ZNF569: variants seen among roughly 807,000 people sequenced by gnomAD.
ZNF569 encodes DNA-binding protein.
Under a neutral mutation model 56.3 loss-of-function variants are expected in ZNF569, and 38 were observed. That is an observed-to-expected ratio of 0.68 (90% CI 0.52 to 0.88). The LOEUF (loss-of-function observed/expected upper bound fraction) is 0.88, where lower values mean the gene tolerates loss of function less well. ZNF569 is among the 40% of genes least tolerant of loss of function. ZNF569 has a pLI of 0.00. For missense variants in ZNF569, 666 were observed against 809.2 expected, an observed-to-expected ratio of 0.82 and a Z score of 2.15; for synonymous variants, 241 against 262.9, an observed-to-expected ratio of 0.92 and a Z score of 0.81.
intron 2 of ZNF569, among the ~76,000 whole-genome samples, chr19:37,447,790 GTTGCT>G (rs910010384): frequency 1.4e-4 from 22 of 152,284 alleles, no homozygotes; most frequent in African/African-American, 5.1e-4. Flanking sequence ...TTGCTGAGGA[GTTGCT>G]TTGTTTTTTG....
chr19:37,456,177 T>C (rs1460664544), intron 2 of ZNF569, among the ~76,000 whole-genome samples: 1 of 152,178 alleles, frequency 6.6e-6, no homozygotes, highest in Admixed American at 6.5e-5. Context: ...CAACTTTTTT[T>C]TTCCTCTGTA....
intron 5 of ZNF569, among the ~76,000 whole-genome samples, chr19:37,422,333 T>C (rs758308082): frequency 1.3e-5 from 2 of 152,152 alleles, no homozygotes; most frequent in Non-Finnish European, 2.9e-5. Context: ...GTCAGTAGAA[T>C]AGTCAGAACA....
At chr19:37,469,109 A>G, upstream of ZNF569, 6 of 1,051,438 alleles carry the variant, frequency 5.7e-6, no homozygotes, top group Non-Finnish European at 6.9e-6. Context: ...CGTCCCTGTG[A>G]CCGGGCCAGG....
chr19:37,439,072 T>G (rs1466285214), intron 3 of ZNF569, among the ~76,000 whole-genome samples: 1 of 150,240 alleles, frequency 6.7e-6, no homozygotes, highest in African/African-American at 2.4e-5. Flanking sequence ...ATTAAAATGG[T>G]TTTTTTTGTT....
rs1600301842 is a variant in ZNF569 at position 37,425,790 on chromosome 19, T to C, written c.238+78A>G. 8.6e-6 allele frequency: 10 copies of C among 1,161,084 alleles called. No individual in the cohort carries two copies. The East Asian group carries it at 2.1e-4, about 25-fold the overall frequency. The allele number at this position is 1,161,084 out of a possible 1,614,324, so 71.9% of individuals were successfully genotyped here. On this transcript the variant is annotated intron_variant, in intron 5 of 5. Coordinates refer to ENST00000316950, the MANE Select transcript of ZNF569 (RefSeq NM_152484.3). ...CTGAAAATATCTTTGAAGAATATTTTAGAGGGATCAACCATTCACTGATTA... is the reference window on the plus strand; with the variant it reads ...CTGAAAATATCTTTGAAGAATATTTCAGAGGGATCAACCATTCACTGATTA...
At chr19:37,466,066 G>GA (rs1264601156) in intron 1 of ZNF569, among the ~76,000 whole-genome samples, 2 of 152,204 alleles carry the variant, frequency 1.3e-5, no homozygotes, top group Non-Finnish European at 2.9e-5. Flanking sequence ...TAGAACATAT[G>GA]AATGTATACG....
intron 2 of ZNF569, among the ~76,000 whole-genome samples, chr19:37,447,585 A>G (rs888622865): frequency 6.6e-6 from 1 of 152,110 alleles, no homozygotes; most frequent in Non-Finnish European, 1.5e-5. Flanking sequence ...TATGTCTTTT[A>G]TGTACTTTTC....
chr19:37,429,289 A>C (rs984529841), intron 3 of ZNF569, among the ~76,000 whole-genome samples: 6 of 152,340 alleles, frequency 3.9e-5, no homozygotes, highest in Admixed American at 6.5e-5. Flanking sequence ...TGGTAAGTCA[A>C]TGCGACTTAC....
intron 5 of ZNF569, among the ~76,000 whole-genome samples, chr19:37,419,566 T>C (rs1164642427): frequency 6.6e-6 from 1 of 151,486 alleles, no homozygotes; most frequent in African/African-American, 2.4e-5. Flanking sequence ...TACTAAAAAT[T>C]CAAAAAAATT....
At chr19:37,441,668 AG>A (rs1260303742) in intron 3 of ZNF569, among the ~76,000 whole-genome samples, 2 of 151,888 alleles carry the variant, frequency 1.3e-5, no homozygotes, top group African/African-American at 4.8e-5. Flanking sequence ...AAAAAAAAAA[AG>A]AAGGCAAGAT....
chr19:37,465,202 C>T (rs111843420), intron 2 of ZNF569, 111 bp downstream of exon 2: 14 of 152,308 alleles, frequency 9.2e-5, no homozygotes, highest in African/African-American at 2.4e-4. Context: ...CCTTCCCTGG[C>T]GAGCCCATCT....
Position 37,467,152 on chromosome 19 carries a change from C to G in ZNF569, c.-273G>C, listed in dbSNP as rs1027518857. Reference sequence around the variant, plus strand: ...GCCAAAGTGGCAGAGCCGGCGCGGGCTGGGACAGAGGCGGCACTGAGGCCG... The same window carrying G: ...GCCAAAGTGGCAGAGCCGGCGCGGGGTGGGACAGAGGCGGCACTGAGGCCG... On this transcript the variant is annotated 5_prime_UTR_variant, in exon 1 of 6. Transcript: ENST00000316950. 6.6e-6 allele frequency: 1 copy of G among 152,338 alleles called. No homozygotes were observed. Among genetic ancestry groups the G allele is most frequent in the Non-Finnish European group, 1.5e-5 (1 of 68,142 alleles). The allele number at this position is 152,338 out of a possible 1,614,324, so 9.4% of individuals were successfully genotyped here.
Position 37,431,830 on chromosome 19 carries a change from ACATT to A in ZNF569, c.16-5456_16-5453del, listed in dbSNP as rs750892794. 9.9e-5 allele frequency among the ~76,000 whole-genome samples: 15 copies of A among 152,002 alleles called. No homozygotes were observed. In the East Asian group the frequency reaches 2.6e-3, roughly 26 times the overall value. ...TGAAGGGAGAATCCCAGGCCTGGCAACATTCACCACAAGCTGACTGAAGAGCCCT... is the reference window on the plus strand; with the variant it reads ...TGAAGGGAGAATCCCAGGCCTGGCAACACCACAAGCTGACTGAAGAGCCCT... On this transcript the variant is annotated intron_variant, in intron 3 of 5. Transcript: ENST00000316950.
rs536191643 is a variant in ZNF569 at position 37,422,639 on chromosome 19, G to A, written c.238+3229C>T. Among the ~76,000 whole-genome samples, 8 of 152,204 alleles carry A rather than the reference G, an allele frequency of 5.3e-5. No homozygotes were observed. In the South Asian group the frequency reaches 1.7e-3, roughly 32 times the overall value. On this transcript the variant is annotated intron_variant, in intron 5 of 5. Transcript: ENST00000316950. ...ACAATAAAATAAAGCATAATAACAT[G>A]AGATATGCCTGTATAAATGCATGAG... is the stretch of plus-strand genomic sequence containing the variant.
At position 37,450,869 on chromosome 19, in the gene ZNF569, G is replaced by A. The variant is rs1160741367; in HGVS notation, c.-43-5905C>T. The stretch of plus-strand genomic sequence containing the variant: ...TTTCTAATTTCATTTTTTATTTCTC[G>A]TTTGACCCAATGGTTATTCAAGATT... On this transcript the variant is annotated intron_variant, in intron 2 of 5. Transcript: ENST00000316950. 5.3e-5 allele frequency among the ~76,000 whole-genome samples: 8 copies of A among 151,882 alleles called. No individual in the cohort carries two copies. In the East Asian group the frequency reaches 1.2e-3, roughly 22 times the overall value.
chr19:37,453,787 C>T (rs1245794664), intron 2 of ZNF569, among the ~76,000 whole-genome samples: 1 of 152,138 alleles, frequency 6.6e-6, no homozygotes, highest in East Asian at 1.9e-4. Context: ...TTTCTTCCAT[C>T]TCTGCTCCAA....
At chr19:37,430,197 A>C (rs2041202826) in intron 3 of ZNF569, among the ~76,000 whole-genome samples, 2 of 94,858 alleles carry the variant, frequency 2.1e-5, no homozygotes, top group South Asian at 8.9e-4. Flanking sequence ...CCTATCTCAA[A>C]AAAAAAAAAA....
At chr19:37,445,560 T>C (rs1229550284) in intron 2 of ZNF569, among the ~76,000 whole-genome samples, 2 of 152,100 alleles carry the variant, frequency 1.3e-5, no homozygotes, top group Non-Finnish European at 2.9e-5. Flanking sequence ...TAAAGATTCA[T>C]CCCAAAAGCT....
At position 37,413,205 on chromosome 19, in the gene ZNF569, C is replaced by T. The variant is rs777217924; in HGVS notation, c.1453G>A (p.Glu485Lys). Residue 485 changes from glutamate to lysine, a missense_variant, in exon 6 of 6, where the codon GAA becomes AAA. Physicochemically the swap from Glu to Lys is moderately conservative, Grantham distance 56. Transcript: ENST00000316950. ...GGTTTCTCTCCAGAATGAATTTTTT[C>T]ATGAGCAATGAGATTTGATTTCTGG... is the stretch of plus-strand genomic sequence containing the variant. ...FSQKSNLIAH[E>K]KIHSGEKPYE... is the part of the protein sequence containing the mutation. The T allele has an allele frequency of 1.2e-6, 2 of 1,606,756 alleles. No homozygotes were observed. Among genetic ancestry groups the T allele is most frequent in the Non-Finnish European group, 1.7e-6 (2 of 1,177,692 alleles).
Sources: gnomAD v4.1 joint callset for allele counts (sites outside exome capture counted in the v4.1 genomes callset) on GRCh38, gnomAD v4.1.1 for gene constraint, MANE v1.5 for transcripts, NCBI Gene and HGNC (gene_info 2026-07-23, HGNC 2026-07-21) for gene names.